The following MYO6 variants were observed in gnomAD, a reference collection of about 807,000 sequenced individuals.
MYO6 encodes the protein myosin VI.
Under a neutral mutation model 178.7 loss-of-function variants are expected in MYO6, and 74 were observed. That is an observed-to-expected ratio of 0.41 (90% confidence interval 0.34 to 0.50). The LOEUF is 0.50. Among genes scored for constraint, MYO6 ranks in the 20% least tolerant of loss-of-function variants. MYO6 has a pLI of 0.09. For synonymous variants in MYO6, 477 were observed against 504.6 expected (o/e 0.95, Z 0.73); for missense variants, 1,330 against 1,547.4 (o/e 0.86, Z 2.36).
At chr6:75,891,985 A>G (rs138784190) in intron 27 of MYO6, among the ~76,000 whole-genome samples, 245 of 152,306 alleles carry the variant, frequency 1.6e-3, no homozygotes, top group African/African-American at 5.5e-3. Flanking sequence ...TTTTATACCT[A>G]GGGGAAAGTC....
chr6:75,816,661 C>A (rs1292331097), intron 1 of MYO6, among the ~76,000 whole-genome samples: 1 of 152,214 alleles, frequency 6.6e-6, no homozygotes, highest in South Asian at 2.1e-4. Context: ...TGAGGATGAG[C>A]TTCGGGAGCA....
At chr6:75,859,019 A>G in intron 14 of MYO6, 26 bp downstream of exon 14, 1 of 1,384,606 alleles carries the variant, frequency 7.2e-7, no homozygotes. Flanking sequence ...AGTTTAATTT[A>G]AGATCTGCAT....
intron 1 of MYO6, among the ~76,000 whole-genome samples, chr6:75,774,430 T>G (rs1165149116): frequency 6.6e-6 from 1 of 152,186 alleles, no homozygotes; most frequent in Non-Finnish European, 1.5e-5. Flanking sequence ...TTTTCATGCA[T>G]TTCTGTCTTT....
chr6:75,820,452 C>G (rs1002410475), intron 2 of MYO6, among the ~76,000 whole-genome samples: 1 of 152,176 alleles, frequency 6.6e-6, no homozygotes, highest in Non-Finnish European at 1.5e-5. Flanking sequence ...TCACTGCAAC[C>G]TCTGCCTCCC....
chr6:75,901,232 C>G (rs971954912), intron 30 of MYO6, among the ~76,000 whole-genome samples: 9 of 151,798 alleles, frequency 5.9e-5, no homozygotes, highest in Admixed American at 4.6e-4. Flanking sequence ...TTTATGGTTC[C>G]ATATGAACTT....
intron 18 of MYO6, 97 bp downstream of exon 18, chr6:75,867,202 A>G (rs1776772873): frequency 5.8e-6 from 6 of 1,026,980 alleles, no homozygotes; most frequent in Non-Finnish European, 8.5e-6. Flanking sequence ...CAGAAATCTC[A>G]CAGTGAAGTT....
At chr6:75,911,778 G>T (rs961742925) in intron 33 of MYO6, 80 bp downstream of exon 33, 2 of 1,365,302 alleles carry the variant, frequency 1.5e-6, no homozygotes, top group East Asian at 2.3e-5. Flanking sequence ...TCTATTAAAA[G>T]TTGTTTTGCT....
Position 75,817,462 on chromosome 6 carries a change from A to G in MYO6, c.-47-39A>G, listed in dbSNP as rs1305772593. On this transcript the variant is annotated intron_variant, in intron 1 of 34. Transcript: ENST00000369977. ...CATTATTTGTTTTATATATATTTCA[A>G]AACTGATTCATGTTGCTGTATTTGT... 6 of 1,054,838 alleles carry G rather than the reference A, an allele frequency of 5.7e-6. No homozygotes were observed. In the East Asian group the frequency reaches 7.1e-5, roughly 12 times the overall value. 65.3% of individuals were successfully genotyped at this position (1,054,838 alleles called of 1,614,324 possible).
intron 30 of MYO6, among the ~76,000 whole-genome samples, chr6:75,899,403 A>G (rs900330837): frequency 3.9e-5 from 6 of 152,196 alleles, no homozygotes; most frequent in Non-Finnish European, 7.3e-5. Flanking sequence ...CTGCCCTCCT[A>G]GAAAAGACTC....
chr6:75,866,316 C>T (rs1286524349), intron 16 of MYO6, among the ~76,000 whole-genome samples: 2 of 106,748 alleles, frequency 1.9e-5, no homozygotes, highest in Admixed American at 1.9e-4. Context: ...TGTCTTACAC[C>T]TATTTTCTTT....
chr6:75,806,044 T>G (rs138372645), intron 1 of MYO6, among the ~76,000 whole-genome samples: 331 of 152,188 alleles, frequency 2.2e-3, no homozygotes, highest in Middle Eastern at 0.014. Flanking sequence ...TCATCTTTGG[T>G]GGGGTGAATA....
intron 8 of MYO6, 62 bp downstream of exon 8, chr6:75,840,744 A>G: frequency 1.6e-6 from 2 of 1,225,506 alleles, no homozygotes; most frequent in South Asian, 1.2e-5. Flanking sequence ...TGCAAGGGTC[A>G]GTTGGTGCTG....
intron 26 of MYO6, 42 bp from the exon 27 acceptor site, chr6:75,891,186 A>G (rs1001011020): frequency 7.3e-7 from 1 of 1,369,106 alleles, no homozygotes; most frequent in Non-Finnish European, 1.0e-6. Flanking sequence ...AGGATTCTTT[A>G]TTTTCTGTTA....
chr6:75,887,979 A>C (rs992266195), intron 25 of MYO6, among the ~76,000 whole-genome samples: 1 of 144,266 alleles, frequency 6.9e-6, no homozygotes, highest in Non-Finnish European at 1.5e-5. Flanking sequence ...ACTCCGTCTC[A>C]AAAAAAATAA....
chr6:75,785,546 G>A (rs1767464805), intron 1 of MYO6, among the ~76,000 whole-genome samples: 1 of 149,052 alleles, frequency 6.7e-6, no homozygotes, highest in Admixed American at 6.7e-5. Flanking sequence ...TCACAGGCGT[G>A]ACTGCAGCCT....
intron 1 of MYO6, among the ~76,000 whole-genome samples, chr6:75,779,443 A>T (rs567906225): frequency 4.8e-4 from 73 of 152,224 alleles, no homozygotes; most frequent in Non-Finnish European, 9.4e-4. Flanking sequence ...TGGAAGTTGT[A>T]GTGAGCCAAG....
rs780162871 is a variant in MYO6, at chr6:75,866,529, C to T, written c.1678C>T (p.Pro560Ser). ...KHKDHFRLTI[P>S]RKSKLAVHRN... ...TCATATATGTATTGTTTTTCAGATT[C>T]CCAGAAAATCTAAGCTGGCAGTTCA... The change falls in exon 17 of 35, where the codon CCC becomes TCC. Residue 560 changes from proline to serine, a missense_variant. Physicochemically the swap from Pro to Ser is moderately conservative, Grantham distance 74 (BLOSUM62 -1). Around this residue, in one of 3 missense-constraint regions of MYO6, gnomAD observed 613 missense variants for 816.8 expected, o/e 0.75. Transcript: ENST00000369977. 1.2e-6 allele frequency: 2 copies of T among 1,611,676 alleles called. No individual in the cohort carries two copies. The highest frequency in any genetic ancestry group is 1.7e-6 in the Non-Finnish European group (2 of 1,177,980).
In MYO6 at chr6:75,862,616, G is replaced by A; in HGVS notation, c.1567G>A (p.Val523Met). The A allele has an allele frequency of 3.1e-6, 5 of 1,613,586 alleles. No individual in the cohort carries two copies. Among genetic ancestry groups the A allele is most frequent in the Non-Finnish European group, 4.2e-6 (5 of 1,179,534 alleles). Residue 523 changes from valine to methionine, a missense_variant, in exon 16 of 35, where the codon GTG (valine) becomes ATG (methionine). Transcript: ENST00000369977. The stretch of plus-strand genomic sequence containing the variant: ...AATAGATTTAATTGAAGCCAAATTA[G>A]TGGGAATACTGGATATTTTGGATGA... ...DCIDLIEAKL[V>M]GILDILDEEN...
At chr6:75,808,046 T>C (rs1277680718) in intron 1 of MYO6, among the ~76,000 whole-genome samples, 2 of 152,238 alleles carry the variant, frequency 1.3e-5, no homozygotes, top group South Asian at 4.1e-4. Context: ...TAGTGAATAT[T>C]TCATTTCTAT....
Sources: allele counts gnomAD v4.1 joint callset (sites outside exome capture counted in the v4.1 genomes callset), GRCh38; gene constraint gnomAD v4.1.1; regional missense constraint gnomAD v4.1.1; transcripts MANE v1.5; gene names NCBI Gene and HGNC (gene_info 2026-07-23, HGNC 2026-07-21).